Variants in ERP29 observed in about 807,000 individuals in gnomAD.
ERP29 encodes endoplasmic reticulum protein 29, also known as endoplasmic reticulum resident protein 29.
Under a neutral mutation model 21.7 loss-of-function variants are expected in ERP29, and 14 were observed. That is an observed-to-expected ratio of 0.64 (90% CI 0.43 to 1.01). The LOEUF (loss-of-function observed/expected upper bound fraction) is 1.01. ERP29 is among the 50% of genes least tolerant of loss of function. ERP29 has a pLI of 0.00. For synonymous variants in ERP29, 129 were observed against 139.1 expected, an observed-to-expected ratio of 0.93 and a Z score of 0.51; for missense variants, 286 against 327.3, an observed-to-expected ratio of 0.87 and a Z score of 0.97.
intron 2 of ERP29, among the ~76,000 whole-genome samples, chr12:112,021,198 T>C (rs1043461727): frequency 1.3e-5 from 2 of 152,154 alleles, no homozygotes; most frequent in African/African-American, 4.8e-5. Context: ...CATGCTCCCC[T>C]TTCTCACCCA....
intron 2 of ERP29, among the ~76,000 whole-genome samples, chr12:112,021,363 T>C (rs938905490): frequency 2.0e-5 from 3 of 152,190 alleles, no homozygotes; most frequent in Admixed American, 6.5e-5. Context: ...TGATGTCACC[T>C]TCACAGGGAG....
chr12:112,021,197 CT>C (rs1490877565), intron 2 of ERP29, among the ~76,000 whole-genome samples: 1 of 152,210 alleles, frequency 6.6e-6, no homozygotes, highest in East Asian at 1.9e-4. Flanking sequence ...ACATGCTCCC[CT>C]TTCTCACCCA....
intron 1 of ERP29, chr12:112,015,430 G>C: frequency 6.6e-6 from 1 of 152,068 alleles, no homozygotes; most frequent in Non-Finnish European, 1.5e-5. Context: ...GGAGGTTGCA[G>C]TAAGCCGTCA....
Position 112,022,088 on chromosome 12 carries a change from T to C in ERP29, c.284-62T>C, listed in dbSNP as rs886360613. ...TTTCCCTCAGTTCAGCTAGGTCCCA[T>C]AGCAATTTTCTGCCCTGAGTTCCTT... On this transcript the variant is annotated intron_variant, in intron 2 of 2. Transcript: ENST00000261735. 17 of 1,565,710 alleles carry C rather than the reference T, an allele frequency of 1.1e-5. No homozygotes were observed. In the African/African-American group the frequency reaches 1.8e-4, roughly 16 times the overall value.
In ERP29 at chr12:112,018,271, A is replaced by C. The variant is rs1027247810; in HGVS notation, c.145-1485A>C. On this transcript the variant is annotated intron_variant, in intron 1 of 2. Coordinates refer to ENST00000261735, the MANE Select transcript of ERP29 (RefSeq NM_006817.4). The stretch of plus-strand genomic sequence containing the variant: ...AGTGATTTTCCACCTCAGCCTCCTG[A>C]GTAGTTTAGCTGGGAATACAGGTGT... Among the ~76,000 whole-genome samples the C allele has an allele frequency of 3.9e-5, 6 of 151,972 alleles. No homozygotes were observed. In the East Asian group the frequency reaches 1.2e-3, roughly 29 times the overall value.
Position 112,022,204 on chromosome 12 carries a change from A to G in ERP29, c.338A>G (p.Glu113Gly), listed in dbSNP as rs1439540555. ...AGTGAGAAATACAAGCTGGACAAAGAGAGCTACCCAGTCTTCTACCTCTTC... is the reference window on the plus strand; with the variant it reads ...AGTGAGAAATACAAGCTGGACAAAGGGAGCTACCCAGTCTTCTACCTCTTC... ...ELSEKYKLDKESYPVFYLFRD... is the reference protein window; with the variant it reads ...ELSEKYKLDKGSYPVFYLFRD... Residue 113 changes from glutamate (E) to glycine (G), a missense_variant, in exon 3 of 3, where the codon GAG (glutamate) becomes GGG (glycine). Glu to Gly is a moderately conservative substitution (Grantham distance 98, BLOSUM62 -2). Transcript: ENST00000261735. The G allele has an allele frequency of 6.2e-7, 1 of 1,614,182 alleles. No individual in the cohort carries two copies. Among genetic ancestry groups the G allele is most frequent in the Non-Finnish European group, 8.5e-7 (1 of 1,179,990 alleles).
chr12:112,018,708 G>A (rs141738644), intron 1 of ERP29: 3 of 152,338 alleles, frequency 2.0e-5, no homozygotes, highest in African/African-American at 7.2e-5. Flanking sequence ...AATGTGTTAT[G>A]TGAATGTTCA....
At position 112,022,559 on chromosome 12, in the gene ERP29, C is replaced by T; in HGVS notation, c.693C>T (p.Asn231=). 1 of 1,614,130 alleles carries T rather than the reference C, an allele frequency of 6.2e-7. No homozygotes were observed. Among genetic ancestry groups the T allele is most frequent in the South Asian group, 1.1e-5 (1 of 91,086 alleles). The change falls in exon 3 of 3, where the codon AAC becomes AAT. Residue 231 remains asparagine, a synonymous_variant. Transcript: ENST00000261735. ...MTRIARLIEK[N]KMSDGKKEEL... is the part of the protein sequence containing the mutation. ...GGATCGCCAGGCTGATTGAGAAGAA[C>T]AAGATGAGTGACGGGAAGAAGGAGG...
chr12:112,019,777 G>A lies in ERP29; in HGVS notation c.166G>A (p.Val56Ile), dbSNP rs756678846. 14 of 1,613,906 alleles carry A rather than the reference G, an allele frequency of 8.7e-6. No homozygotes were observed. The highest frequency in any genetic ancestry group is 1.6e-4 in the Middle Eastern group (1 of 6,084). The change falls in exon 2 of 3, where the codon GTC becomes ATC. Residue 56 changes from valine to isoleucine, a missense_variant. Val to Ile is a conservative substitution (Grantham distance 29). Coordinates refer to ENST00000261735, the MANE Select transcript of ERP29 (RefSeq NM_006817.4). Reference protein sequence around the residue: ...FYKVIPKSKFVLVKFDTQYPY... With the variant: ...FYKVIPKSKFILVKFDTQYPY... ...TCAGGTCATTCCCAAAAGCAAGTTC[G>A]TCTTGGTGAAGTTCGACACCCAGTA...
Position 112,022,604 on chromosome 12 carries a change from C to T in ERP29, c.738C>T (p.Asn246=), listed in dbSNP as rs997584842. The change falls in exon 3 of 3, where the codon AAC becomes AAT. Residue 246 remains asparagine (N), a synonymous_variant. Coordinates refer to ENST00000261735, the MANE Select transcript of ERP29 (RefSeq NM_006817.4). ...AGGAGGAGCTCCAGAAGAGCTTAAA[C>T]ATCCTGACTGCCTTCCAGAAGAAGG... The part of the protein sequence containing the change: ...GKKEELQKSL[N]ILTAFQKKGA... 1 of 1,613,416 alleles carries T rather than the reference C, an allele frequency of 6.2e-7. No individual in the cohort carries two copies. The highest frequency in any genetic ancestry group is 8.5e-7 in the Non-Finnish European group (1 of 1,179,736).
rs151307192 is a variant in ERP29 at position 112,016,509 on chromosome 12, T to C, written c.144+2900T>C. On this transcript the variant is annotated intron_variant, in intron 1 of 2. Transcript: ENST00000261735. ...AATGAATGAATAATGAACTTATCTA[T>C]ACTTTAAAGAAGTGAGTTGCCTGAT... Among the ~76,000 whole-genome samples the C allele has an allele frequency of 1.6e-4, 24 of 152,348 alleles. No homozygotes were observed. In the East Asian group the frequency reaches 3.9e-3, roughly 24 times the overall value.
intron 1 of ERP29, 66 bp from the exon 2 acceptor site, chr12:112,019,690 T>C (rs1375132682): frequency 3.7e-6 from 6 of 1,604,992 alleles, no homozygotes; most frequent in Non-Finnish European, 4.3e-6. Flanking sequence ...CAGGGGCCCC[T>C]TGGGAAGGGG....
chr12:112,020,039 A>T, intron 2 of ERP29, 145 bp downstream of exon 2: 1 of 1,006,060 alleles, frequency 9.9e-7, no homozygotes, highest in Non-Finnish European at 1.5e-6. Flanking sequence ...TCTCTAAAGG[A>T]ATCTGCTGCC....
intron 1 of ERP29, chr12:112,019,032 C>T (rs1380323907): frequency 3.3e-5 from 5 of 153,288 alleles, no homozygotes; most frequent in Admixed American, 2.6e-4. Context: ...ATAGGGTTTC[C>T]TTTTGGGATG....
intron 2 of ERP29, among the ~76,000 whole-genome samples, chr12:112,021,515 CTT>C (rs1164185865): frequency 2.1e-4 from 15 of 70,042 alleles, no homozygotes; most frequent in East Asian, 7.9e-4. Context: ...GCTTAATAGT[CTT>C]TTTTTTTTTT....
Position 112,022,449 on chromosome 12 carries a change from C to CAGA in ERP29, c.589_591dup (p.Lys197dup). Reference sequence around the variant, plus strand: ...TAACCTCTCAAGTGTGAAGGAGACTCAGAAGAAGTGGGCCGAGCAATACCT... The same window carrying CAGA: ...TAACCTCTCAAGTGTGAAGGAGACTCAGAAGAAGAAGTGGGCCGAGCAATACCT... On this transcript the variant is annotated inframe_insertion, in exon 3 of 3. Coordinates refer to ENST00000261735, the MANE Select transcript of ERP29 (RefSeq NM_006817.4). The CAGA allele has an allele frequency of 6.2e-7, 1 of 1,614,132 alleles. No homozygotes were observed. Among genetic ancestry groups the CAGA allele is most frequent in the Non-Finnish European group, 8.5e-7 (1 of 1,180,000 alleles).
In ERP29 at chr12:112,022,317, T is replaced by C. The variant is rs771592614; in HGVS notation, c.451T>C (p.Tyr151His). ...GCGCTGGCTGAAGGGGCAAGGGGTC[T>C]ACCTAGGTATGCCTGGTTGCCTGCC... ...IQRWLKGQGV[Y>H]LGMPGCLPVY... Residue 151 changes from tyrosine to histidine, a missense_variant, in exon 3 of 3, where the codon TAC becomes CAC. Tyr to His is a moderately conservative substitution (Grantham distance 83, BLOSUM62 2). Coordinates refer to ENST00000261735, the MANE Select transcript of ERP29 (RefSeq NM_006817.4). The C allele has an allele frequency of 3.7e-6, 6 of 1,613,316 alleles. No individual in the cohort carries two copies. The East Asian group carries it at 1.3e-4, about 36-fold the overall frequency.
In ERP29 at chr12:112,013,627, C is replaced by T; in HGVS notation, c.144+18C>T. The T allele has an allele frequency of 6.5e-7, 1 of 1,528,804 alleles. No homozygotes were observed. The highest frequency in any genetic ancestry group is 1.8e-4 in the Middle Eastern group (1 of 5,620). 94.7% of individuals were successfully genotyped at this position (1,528,804 alleles called of 1,614,324 possible). On this transcript the variant is annotated intron_variant, in intron 1 of 2. Coordinates refer to ENST00000261735, the MANE Select transcript of ERP29 (RefSeq NM_006817.4). The stretch of plus-strand genomic sequence containing the variant: ...TCTACAAGGTAACCGGGGCGGGGGA[C>T]GTCGCGCGCAGGTGCCGCCGGGGCG...
rs747811479 is a variant in ERP29 at position 112,013,436 on chromosome 12, A to G, written c.-30A>G. ...CTCGGGGCGTTCTCCACTATCGCTT[A>G]CCTACCTCCCTCTGCAGGAACCCGG... On this transcript the variant is annotated 5_prime_UTR_variant, in exon 1 of 3. Coordinates refer to ENST00000261735, the MANE Select transcript of ERP29 (RefSeq NM_006817.4). 1.3e-5 allele frequency: 20 copies of G among 1,593,544 alleles called. No homozygotes were observed. The highest frequency in any genetic ancestry group is 1.8e-5 in the Admixed American group (1 of 56,516).
Sources: gnomAD v4.1 joint callset for allele counts (sites outside exome capture counted in the v4.1 genomes callset) on GRCh38, gnomAD v4.1.1 for gene constraint, MANE v1.5 for transcripts, NCBI Gene and HGNC (gene_info 2026-07-23, HGNC 2026-07-21) for gene names.